PLIN1: variants seen among roughly 807,000 people sequenced by gnomAD.
The protein encoded by PLIN1 is perilipin-1.
A neutral mutation model predicts 45.8 loss-of-function variants in PLIN1; 37 were observed. That is an observed-to-expected ratio of 0.81 (90% CI 0.62 to 1.06). The LOEUF (loss-of-function observed/expected upper bound fraction) is 1.06. Ranked by LOEUF, PLIN1 falls within the 50% of genes least tolerant of loss-of-function variation. PLIN1 has a pLI of 0.00. For missense variants in PLIN1, 776 were observed against 716.5 expected, an observed-to-expected ratio of 1.08 and a Z score of -0.95; for synonymous variants, 340 against 309.2, an observed-to-expected ratio of 1.10 and a Z score of -1.05.
intron 6 of PLIN1, 133 bp from the exon 7 acceptor site, chr15:89,667,926 T>C (rs1964379696): frequency 7.6e-7 from 1 of 1,307,882 alleles, no homozygotes; most frequent in Non-Finnish European, 9.9e-7. Flanking sequence ...CAGACTTTTC[T>C]GGAAACTTTT....
chr15:89,669,758 G>A, intron 5 of PLIN1, 86 bp from the exon 6 acceptor site: 2 of 1,285,326 alleles, frequency 1.6e-6, no homozygotes, highest in East Asian at 5.1e-5. Context: ...CTGGAAAGTA[G>A]GTGTTCTAGG....
intron 3 of PLIN1, among the ~76,000 whole-genome samples, chr15:89,671,785 C>T (rs982563690): frequency 1.5e-4 from 23 of 152,160 alleles, no homozygotes; most frequent in African/African-American, 3.9e-4. Flanking sequence ...ACTCTGGAGT[C>T]GCTCAGACCT....
At position 89,667,060 on chromosome 15, in the gene PLIN1, C is replaced by A. The variant is rs1178881260; in HGVS notation, c.1085G>T (p.Gly362Val). 1.2e-6 allele frequency: 2 copies of A among 1,614,158 alleles called. No homozygotes were observed. The highest frequency in any genetic ancestry group is 3.3e-5 in the Admixed American group (2 of 60,032). The change falls in exon 8 of 9, where the codon GGG becomes GTG. Residue 362 changes from glycine (G) to valine (V), a missense_variant. Physicochemically the swap from Gly to Val is moderately radical, Grantham distance 109. Coordinates refer to ENST00000300055, the MANE Select transcript of PLIN1 (RefSeq NM_002666.5). ...GGCTGGTGTGAGGTGCAGCACCCTCCCTGCCATGCCCAGCACAGCTGCAGG... is the reference window on the plus strand; with the variant it reads ...GGCTGGTGTGAGGTGCAGCACCCTCACTGCCATGCCCAGCACAGCTGCAGG... ...WAPAAVLGMA[G>V]RVLHLTPAPA...
At chr15:89,671,292 C>T (rs544388177) in intron 4 of PLIN1, among the ~76,000 whole-genome samples, 190 bp downstream of exon 4, 6 of 152,034 alleles carry the variant, frequency 3.9e-5, no homozygotes, top group Admixed American at 6.5e-5. Flanking sequence ...ACCCCACCTC[C>T]GTTTAGCTTC....
At chr15:89,674,699 C>G (rs892372800) in intron 2 of PLIN1, among the ~76,000 whole-genome samples, 58 of 152,154 alleles carry the variant, frequency 3.8e-4, no homozygotes, top group African/African-American at 1.3e-3. Context: ...ATTTCCTCAT[C>G]CATGGGTTGG....
chr15:89,675,457 G>GCT (rs1291459165), intron 2 of PLIN1, among the ~76,000 whole-genome samples: 40 of 147,728 alleles, frequency 2.7e-4, no homozygotes, highest in African/African-American at 9.7e-4. Flanking sequence ...AGCTGGCCAT[G>GCT]CTAATATTTG....
chr15:89,670,810 C>T (rs1964428137), intron 4 of PLIN1, among the ~76,000 whole-genome samples: 1 of 152,078 alleles, frequency 6.6e-6, no homozygotes, highest in Admixed American at 6.5e-5. Context: ...ACACTGGTTT[C>T]CTCTCTGTAA....
Position 89,671,450 on chromosome 15 carries a change from C to G in PLIN1, c.333+32G>C, listed in dbSNP as rs1056603936. 2.8e-6 allele frequency: 4 copies of G among 1,449,388 alleles called. No homozygotes were observed. In the African/African-American group the frequency reaches 4.2e-5, roughly 15 times the overall value. The allele number at this position is 1,449,388 out of a possible 1,614,324, so 89.8% of individuals were successfully genotyped here. A position where few individuals can be genotyped will look rare whatever the true frequency, so the allele number is the denominator to read the frequency against. On this transcript the variant is annotated intron_variant, in intron 4 of 8. Coordinates refer to ENST00000300055, the MANE Select transcript of PLIN1 (RefSeq NM_002666.5). Reference sequence around the variant, plus strand: ...CCTGAGAGGCGGTGACGACAGAGTGCAGGGAGGCTTCGAGAGGTGGGAAGG... The same window carrying G: ...CCTGAGAGGCGGTGACGACAGAGTGGAGGGAGGCTTCGAGAGGTGGGAAGG...
At chr15:89,669,840 G>A in intron 5 of PLIN1, 140 bp downstream of exon 5, 1 of 578,788 alleles carries the variant, frequency 1.7e-6, no homozygotes, top group Non-Finnish European at 2.9e-6. Flanking sequence ...GGTGGGGGGG[G>A]TAAATGATTA....
At chr15:89,672,133 C>T (rs1457133710) in intron 3 of PLIN1, among the ~76,000 whole-genome samples, 3 of 152,304 alleles carry the variant, frequency 2.0e-5, no homozygotes, top group South Asian at 2.1e-4. Context: ...GGCCCCAGGC[C>T]GTCCATGCTC....
In PLIN1 at chr15:89,665,737, T is replaced by C. The variant is rs1964325480; in HGVS notation, c.1415A>G (p.Asp472Gly). Reference sequence around the variant, plus strand: ...CGGCGCTGCGGGCGTGGCGACTTCGTCCTCCAGGCCCGGGCCGGGGGGCGC... The same window carrying C: ...CGGCGCTGCGGGCGTGGCGACTTCGCCCTCCAGGCCCGGGCCGGGGGGCGC... ...PGAPPGPGLE[D>G]EVATPAAPRP... The change falls in exon 9 of 9, where the codon GAC becomes GGC. Residue 472 changes from aspartate to glycine, a missense_variant. Transcript: ENST00000300055. 1.4e-6 allele frequency: 2 copies of C among 1,446,904 alleles called. No homozygotes were observed. The highest frequency in any genetic ancestry group is 9.1e-7 in the Non-Finnish European group (1 of 1,101,222). The allele number at this position is 1,446,904 out of a possible 1,614,324, so 89.6% of individuals were successfully genotyped here. A position where few individuals can be genotyped will look rare whatever the true frequency, so the allele number is the denominator to read the frequency against.
Position 89,664,687 on chromosome 15 carries a change from T to A in PLIN1, c.*896A>T. ...TACACAAGAGATGGCACCGTGGTGG[T>A]TTTCAATGAAGGGGAACAGGGGAGC... is the stretch of plus-strand genomic sequence containing the variant. On this transcript the variant is annotated 3_prime_UTR_variant, in exon 9 of 9. Transcript: ENST00000300055. The A allele has an allele frequency of 8.1e-6, 3 of 370,256 alleles. No individual in the cohort carries two copies. The highest frequency in any genetic ancestry group is 1.6e-5 in the Non-Finnish European group (3 of 185,738). The allele number at this position is 370,256 out of a possible 1,614,324, so 22.9% of individuals were successfully genotyped here.
chr15:89,671,112 C>T (rs1964432650), intron 4 of PLIN1, among the ~76,000 whole-genome samples: 1 of 152,182 alleles, frequency 6.6e-6, no homozygotes, highest in African/African-American at 2.4e-5. Context: ...GGATGACACT[C>T]CTGGGATCTG....
At chr15:89,669,383 T>C (rs1157374833) in intron 6 of PLIN1, 117 bp downstream of exon 6, 8 of 917,786 alleles carry the variant, frequency 8.7e-6, no homozygotes, top group South Asian at 6.6e-5. Flanking sequence ...CCAGCCCACG[T>C]TGGAAGAGAG....
chr15:89,672,022 G>C (rs1469640404), intron 3 of PLIN1, among the ~76,000 whole-genome samples: 5 of 152,220 alleles, frequency 3.3e-5, no homozygotes, highest in Admixed American at 3.3e-4. Flanking sequence ...TGAGCATGAG[G>C]AGGGAGAAGA....
At chr15:89,668,555 G>A (rs999384764) in intron 6 of PLIN1, among the ~76,000 whole-genome samples, 3 of 152,216 alleles carry the variant, frequency 2.0e-5, no homozygotes, top group Non-Finnish European at 4.4e-5. Context: ...AATTGACTGA[G>A]CAAGGGGGCT....
rs568120480 is a variant in PLIN1 at position 89,678,908 on chromosome 15, C to T, written c.-15+343G>A. Among the ~76,000 whole-genome samples, 206 of 152,210 alleles carry T rather than the reference C, an allele frequency of 1.4e-3. 1 individual carries two copies. Among genetic ancestry groups the T allele is most frequent in the African/African-American group, 4.7e-3 (196 of 41,526 alleles). ...TTGCCCAGGATGGAATGTGGTGGCACGATCATGGCTCAATGCAGCCTTGAC... is the reference window on the plus strand; with the variant it reads ...TTGCCCAGGATGGAATGTGGTGGCATGATCATGGCTCAATGCAGCCTTGAC... On this transcript the variant is annotated intron_variant, in intron 1 of 8. Transcript: ENST00000300055.
Position 89,673,351 on chromosome 15 carries a change from A to C in PLIN1, c.109T>G (p.Phe37Val), listed in dbSNP as rs1377608311. ...TTAGTGCTGGTGTAGGTCTTCTGGAAGCATTCGCAGGTGCCACTCACCACC... is the reference window on the plus strand; with the variant it reads ...TTAGTGCTGGTGTAGGTCTTCTGGACGCATTCGCAGGTGCCACTCACCACC... ...LPVVSGTCEC[F>V]QKTYTSTKEA... Residue 37 changes from phenylalanine to valine, a missense_variant, in exon 3 of 9, where the codon TTC becomes GTC. Physicochemically the swap from Phe to Val is conservative, Grantham distance 50. Transcript: ENST00000300055. 2 of 1,602,100 alleles carry C rather than the reference A, an allele frequency of 1.2e-6. No individual in the cohort carries two copies. Among genetic ancestry groups the C allele is most frequent in the Admixed American group, 3.4e-5 (2 of 58,566 alleles).
chr15:89,667,354 C>T (rs542075700), intron 7 of PLIN1, among the ~76,000 whole-genome samples, 173 bp from the exon 8 acceptor site: 1 of 152,370 alleles, frequency 6.6e-6, no homozygotes, highest in South Asian at 2.1e-4. Flanking sequence ...CTCTGAACCT[C>T]TGTTTCTTCT....
Sources: gnomAD v4.1 joint callset for allele counts (sites outside exome capture counted in the v4.1 genomes callset) on GRCh38, gnomAD v4.1.1 for gene constraint, MANE v1.5 for transcripts, NCBI Gene and HGNC (gene_info 2026-07-23, HGNC 2026-07-21) for gene names.